Variants in CTNND2 observed in about 807,000 individuals in gnomAD.
CTNND2 encodes catenin delta 2, also known as catenin delta-2.
CTNND2 carries 22 observed loss-of-function variants against 144.4 expected under a neutral mutation model. That is an observed-to-expected ratio of 0.15 (90% confidence interval 0.11 to 0.22). CTNND2 has a LOEUF of 0.22. Ranked by LOEUF, CTNND2 falls within the 10% of genes least tolerant of loss-of-function variation. CTNND2 has a pLI of 1.00. For missense variants in CTNND2, 1,353 were observed against 1,618.8 expected, an observed-to-expected ratio of 0.84 and a Z score of 2.82; for synonymous variants, 751 against 695.6, an observed-to-expected ratio of 1.08 and a Z score of -1.25.
At position 11,682,797 on chromosome 5, in the gene CTNND2, G is replaced by T. The variant is rs558206899; in HGVS notation, c.174+49339C>A. Among the ~76,000 whole-genome samples the T allele has an allele frequency of 2.4e-4, 37 of 152,266 alleles. No individual in the cohort carries two copies. In the South Asian group the frequency reaches 7.7e-3, roughly 32 times the overall value. ...ACACAATGCATAACCAAACCAAGAG[G>T]CTTCTTAGATTGGCATGTGGTCTGC... is the stretch of plus-strand genomic sequence containing the variant. On this transcript the variant is annotated intron_variant, in intron 2 of 21. Coordinates refer to ENST00000304623, the MANE Select transcript of CTNND2 (RefSeq NM_001332.4).
At chr5:11,296,665 G>A (rs546178203) in intron 9 of CTNND2, among the ~76,000 whole-genome samples, 90 of 152,290 alleles carry the variant, frequency 5.9e-4, no homozygotes, top group African/African-American at 2.0e-3. Flanking sequence ...AAAAAATGAT[G>A]AGTTCATGTC....
chr5:11,222,912 C>T (rs925429869), intron 10 of CTNND2, among the ~76,000 whole-genome samples: 2 of 152,214 alleles, frequency 1.3e-5, no homozygotes, highest in Non-Finnish European at 2.9e-5. Context: ...GCTCCAGCCC[C>T]CTGGTGTGCC....
chr5:11,004,134 A>T (rs1344145461), intron 18 of CTNND2, among the ~76,000 whole-genome samples: 1 of 152,214 alleles, frequency 6.6e-6, no homozygotes. Context: ...AAAAACCAAA[A>T]CAAACAAAGA....
At chr5:11,581,527 G>C (rs1778434426) in intron 2 of CTNND2, among the ~76,000 whole-genome samples, 1 of 152,318 alleles carries the variant, frequency 6.6e-6, no homozygotes, top group Middle Eastern at 3.4e-3. Context: ...AACATACACA[G>C]ATCAGCAAAC....
chr5:11,046,074 C>A (rs551103811), intron 16 of CTNND2, among the ~76,000 whole-genome samples: 1 of 152,066 alleles, frequency 6.6e-6, no homozygotes, highest in Admixed American at 6.6e-5. Flanking sequence ...GCTGCCGGTT[C>A]TGGGTTGAAT....
intron 2 of CTNND2, among the ~76,000 whole-genome samples, chr5:11,567,713 T>C (rs910983017): frequency 7.9e-5 from 12 of 152,224 alleles, no homozygotes; most frequent in African/African-American, 2.7e-4. Context: ...CATTCATGAC[T>C]TTATTTAACT....
intron 1 of CTNND2, among the ~76,000 whole-genome samples, chr5:11,835,680 G>A (rs556782312): frequency 1.6e-4 from 25 of 152,122 alleles, no homozygotes; most frequent in South Asian, 1.0e-3. Context: ...TGCTAGTGTC[G>A]GTAATGTGTC....
rs996882379 is a variant in CTNND2 at position 10,981,863 on chromosome 5, A to C, written c.3344-17T>G. The C allele has an allele frequency of 6.2e-7, 1 of 1,605,384 alleles. No individual in the cohort carries two copies. Among genetic ancestry groups the C allele is most frequent in the African/African-American group, 1.3e-5 (1 of 74,842 alleles). The stretch of plus-strand genomic sequence containing the variant: ...TGTTTTGAGCTAAAAGCAAAAGGAA[A>C]ACAAAAGTTTAGCAAAGAAAACAAC... On this transcript the variant is annotated splice_polypyrimidine_tract_variant and intron_variant, in intron 20 of 21. Coordinates refer to ENST00000304623, the MANE Select transcript of CTNND2 (RefSeq NM_001332.4).
chr5:11,808,319 A>C (rs1040847904), intron 1 of CTNND2, among the ~76,000 whole-genome samples: 3 of 152,178 alleles, frequency 2.0e-5, no homozygotes, highest in Non-Finnish European at 2.9e-5. Context: ...CTCCCTCAAG[A>C]GCACAGACAG....
intron 1 of CTNND2, among the ~76,000 whole-genome samples, chr5:11,900,006 A>G (rs774908237): frequency 2.0e-5 from 3 of 152,176 alleles, no homozygotes; most frequent in African/African-American, 4.8e-5. Context: ...TCTGACATAT[A>G]ACGTGTTTGT....
intron 9 of CTNND2, among the ~76,000 whole-genome samples, chr5:11,336,153 C>T (rs1046451692): frequency 8.5e-5 from 13 of 152,334 alleles, no homozygotes; most frequent in South Asian, 6.2e-4. Flanking sequence ...GCCCTGCTCT[C>T]ACCCTGTGGA....
Position 11,543,491 on chromosome 5 carries a change from A to T in CTNND2, c.287+21453T>A, listed in dbSNP as rs760502504. 2.0e-3 allele frequency among the ~76,000 whole-genome samples: 307 copies of T among 152,288 alleles called. 1 individual carries two copies. The highest frequency in any genetic ancestry group is 3.4e-3 in the Middle Eastern group (1 of 294). ...TTGTTGTCTTGTTTAGTTTTATTGCATTTTACACACTCATTGATAATACAA... is the reference window on the plus strand; with the variant it reads ...TTGTTGTCTTGTTTAGTTTTATTGCTTTTTACACACTCATTGATAATACAA... On this transcript the variant is annotated intron_variant, in intron 3 of 21. Transcript: ENST00000304623.
intron 3 of CTNND2, among the ~76,000 whole-genome samples, chr5:11,485,046 T>C (rs32605): frequency 1 from 151,846 of 152,290 alleles, 75,717 homozygotes; most frequent in Middle Eastern, 1. Flanking sequence ...AAAAAAAATG[T>C]GGTTTCATGG....
chr5:11,047,129 T>C (rs1265180106), intron 16 of CTNND2, among the ~76,000 whole-genome samples: 2 of 152,188 alleles, frequency 1.3e-5, no homozygotes, highest in Non-Finnish European at 2.9e-5. Context: ...GTGAAAGCCA[T>C]GCTTCTCTCA....
chr5:11,779,861 G>T (rs184613439), intron 1 of CTNND2, among the ~76,000 whole-genome samples: 33 of 152,162 alleles, frequency 2.2e-4, no homozygotes, highest in African/African-American at 2.9e-4. Context: ...GTTGTCCATT[G>T]TAAGAGTCCA....
chr5:11,189,737 C>T (rs1408337213), intron 11 of CTNND2, among the ~76,000 whole-genome samples: 2 of 152,044 alleles, frequency 1.3e-5, no homozygotes, highest in African/African-American at 4.8e-5. Context: ...TTGTCAGCAC[C>T]CCTAACTCTT....
Position 11,609,710 on chromosome 5 carries a change from G to A in CTNND2, c.175-44654C>T, listed in dbSNP as rs758101286. 2.2e-4 allele frequency among the ~76,000 whole-genome samples: 33 copies of A among 152,180 alleles called. 1 individual carries two copies. The highest frequency in any genetic ancestry group is 5.9e-4 in the Admixed American group (9 of 15,286). ...AGGAATGCCTTGTCCATGTGTCTGA[G>A]TGTGCTCCAGCCCTGGGAGGATGTG... On this transcript the variant is annotated intron_variant, in intron 2 of 21. Transcript: ENST00000304623.
At chr5:11,840,852 A>T (rs1794433389) in intron 1 of CTNND2, among the ~76,000 whole-genome samples, 1 of 152,226 alleles carries the variant, frequency 6.6e-6, no homozygotes, top group Non-Finnish European at 1.5e-5. Context: ...ACATTCAAGT[A>T]ATTTGGAAAC....
At chr5:11,642,026 T>G (rs1782093291) in intron 2 of CTNND2, among the ~76,000 whole-genome samples, 1 of 152,286 alleles carries the variant, frequency 6.6e-6, no homozygotes, top group Non-Finnish European at 1.5e-5. Context: ...ATTGTTTTTC[T>G]CAGTGAATAT....
Sources: allele counts gnomAD v4.1 joint callset (sites outside exome capture counted in the v4.1 genomes callset), GRCh38; gene constraint gnomAD v4.1.1; transcripts MANE v1.5; gene names NCBI Gene and HGNC (gene_info 2026-07-23, HGNC 2026-07-21).